ZFAND6: variants seen among roughly 807,000 people sequenced by gnomAD.
ZFAND6 encodes the protein zinc finger AN1-type containing 6.
Under a neutral mutation model 24.5 loss-of-function variants are expected in ZFAND6, and 12 were observed. The observed-to-expected ratio is 0.49, with a 90% CI of 0.31 to 0.79. The LOEUF (loss-of-function observed/expected upper bound fraction) is 0.79, where lower values mean the gene tolerates loss of function less well. ZFAND6 is among the 30% of genes least tolerant of loss of function. The probability of loss-of-function intolerance (pLI) is 0.04; values close to 1 mark genes in which losing one functional copy is unlikely to be tolerated. For missense variants in ZFAND6, 207 were observed against 245.9 expected, an observed-to-expected ratio of 0.84 and a Z score of 1.06; for synonymous variants, 92 against 81.5, an observed-to-expected ratio of 1.13 and a Z score of -0.69.
chr15:80,102,580 AG>A (rs1234829179), intron 2 of ZFAND6, among the ~76,000 whole-genome samples: 3 of 152,240 alleles, frequency 2.0e-5, no homozygotes, highest in African/African-American at 7.2e-5. Context: ...TTTCTTATCT[AG>A]AAGCACCTTT....
intron 1 of ZFAND6, among the ~76,000 whole-genome samples, chr15:80,078,966 C>T (rs1013478505): frequency 2.6e-5 from 4 of 151,412 alleles, no homozygotes; most frequent in African/African-American, 7.3e-5. Context: ...TATACATGTG[C>T]CATGCTGGTG....
At chr15:80,111,411 G>A (rs2039603181) in intron 2 of ZFAND6, 1 of 420,968 alleles carries the variant, frequency 2.4e-6, no homozygotes. Context: ...TGAAAAGTCA[G>A]TCTTCCTTAT....
At chr15:80,101,307 C>G (rs202246337) in intron 2 of ZFAND6, among the ~76,000 whole-genome samples, 2 of 150,490 alleles carry the variant, frequency 1.3e-5, no homozygotes, top group Non-Finnish European at 3.0e-5. Context: ...ACTAAAGATA[C>G]AAAAAATTAG....
At chr15:80,059,156 C>T (rs2036193377), upstream of ZFAND6, among the ~76,000 whole-genome samples, 1 of 152,274 alleles carries the variant, frequency 6.6e-6, no homozygotes, top group Admixed American at 6.5e-5. Flanking sequence ...TGAGCTCGGA[C>T]TTTGCGCTTG....
chr15:80,117,025 G>A (rs961319755), intron 2 of ZFAND6, among the ~76,000 whole-genome samples: 2 of 152,050 alleles, frequency 1.3e-5, no homozygotes, highest in Non-Finnish European at 2.9e-5. Context: ...CAGTGTCTTA[G>A]GATGATATTT....
At chr15:80,066,697 G>A (rs1273000663) in intron 1 of ZFAND6, among the ~76,000 whole-genome samples, 1 of 151,752 alleles carries the variant, frequency 6.6e-6, no homozygotes, top group Non-Finnish European at 1.5e-5. Flanking sequence ...AAGAGTTCAA[G>A]ACCAGCCTGG....
intron 1 of ZFAND6, among the ~76,000 whole-genome samples, chr15:80,062,976 A>G (rs2036414888): frequency 6.6e-6 from 1 of 152,202 alleles, no homozygotes; most frequent in Non-Finnish European, 1.5e-5. Context: ...AATAGAAGTC[A>G]TCTGTTACCA....
intron 1 of ZFAND6, among the ~76,000 whole-genome samples, chr15:80,085,893 T>C (rs2037968993): frequency 6.6e-6 from 1 of 152,206 alleles, no homozygotes; most frequent in Non-Finnish European, 1.5e-5. Context: ...TTTTTATGTT[T>C]AGATACACAG....
At chr15:80,135,678 A>T (rs972472072) in intron 6 of ZFAND6, among the ~76,000 whole-genome samples, 1 of 152,264 alleles carries the variant, frequency 6.6e-6, no homozygotes, top group Non-Finnish European at 1.5e-5. Flanking sequence ...GCTCACACCT[A>T]TAATCCCAGC....
chr15:80,134,433 A>G (rs2040763535), intron 6 of ZFAND6, among the ~76,000 whole-genome samples: 1 of 152,254 alleles, frequency 6.6e-6, no homozygotes. Context: ...AAGACCTTTC[A>G]GGCTCATTAC....
chr15:80,069,495 C>T (rs897503914), intron 1 of ZFAND6, among the ~76,000 whole-genome samples: 1 of 152,034 alleles, frequency 6.6e-6, no homozygotes, highest in Non-Finnish European at 1.5e-5. Context: ...ATATGCCATT[C>T]ATTCAAACTC....
intron 1 of ZFAND6, among the ~76,000 whole-genome samples, chr15:80,084,227 G>A (rs1159255167): frequency 6.6e-6 from 1 of 152,170 alleles, no homozygotes; most frequent in Non-Finnish European, 1.5e-5. Context: ...TGAGATTTAC[G>A]AAGTGTAGGT....
chr15:80,094,317 C>A (rs2038576254), intron 1 of ZFAND6, among the ~76,000 whole-genome samples: 1 of 152,128 alleles, frequency 6.6e-6, no homozygotes, highest in East Asian at 1.9e-4. Context: ...AGCTCCGCCT[C>A]CTGTCAGATC....
chr15:80,123,369 G>C (rs1360565679), intron 5 of ZFAND6, among the ~76,000 whole-genome samples: 1 of 152,168 alleles, frequency 6.6e-6, no homozygotes, highest in Non-Finnish European at 1.5e-5. Context: ...TCGTAGTAGG[G>C]AGAGAGAATG....
intron 1 of ZFAND6, among the ~76,000 whole-genome samples, chr15:80,069,139 GGA>G (rs145801337): frequency 0.013 from 1,914 of 152,230 alleles, 34 homozygotes; most frequent in African/African-American, 0.044. Flanking sequence ...AGGCCTCCAA[GGA>G]GAGAGAGAAT....
At chr15:80,089,365 TCTC>T (rs1268284650) in intron 1 of ZFAND6, among the ~76,000 whole-genome samples, 3 of 145,516 alleles carry the variant, frequency 2.1e-5, no homozygotes, top group Non-Finnish European at 4.5e-5. Flanking sequence ...TTCAAGCAAT[TCTC>T]CTGTCTGAGC....
At chr15:80,097,241 C>G (rs1278735857) in intron 1 of ZFAND6, among the ~76,000 whole-genome samples, 1 of 152,080 alleles carries the variant, frequency 6.6e-6, no homozygotes, top group African/African-American at 2.4e-5. Context: ...CTCTGGTGAT[C>G]TGCCTGCCTC....
chr15:80,060,103 T>TG (rs1468004873), intron 1 of ZFAND6: 2 of 151,370 alleles, frequency 1.3e-5, no homozygotes, highest in Non-Finnish European at 2.9e-5. Flanking sequence ...GTGGTCGCGC[T>TG]GGGGTCGGGA....
chr15:80,129,563 A>G (rs2040507854), intron 5 of ZFAND6: 1 of 152,214 alleles, frequency 6.6e-6, no homozygotes, highest in Non-Finnish European at 1.5e-5. Flanking sequence ...AGGCACATAA[A>G]TAAAATAGGT....
Sources: allele counts gnomAD v4.1 joint callset (sites outside exome capture counted in the v4.1 genomes callset), GRCh38; gene constraint gnomAD v4.1.1; transcripts MANE v1.5; gene names NCBI Gene and HGNC (gene_info 2026-07-23, HGNC 2026-07-21).